Variants in MAPK14 observed in about 807,000 individuals in gnomAD.
The protein encoded by MAPK14 is mitogen-activated protein kinase 14, also known as CSAID-binding protein.
Under a neutral mutation model 49.6 loss-of-function variants are expected in MAPK14, and 16 were observed. The ratio of observed to expected loss-of-function variants is 0.32; its 90% CI spans 0.22 to 0.49. The LOEUF (loss-of-function observed/expected upper bound fraction) is 0.49, where lower values mean the gene tolerates loss of function less well. MAPK14 is among the 20% of genes least tolerant of loss of function. The pLI is 0.99. For synonymous variants in MAPK14, 142 were observed against 158.0 expected (o/e 0.90, Z 0.76); for missense variants, 200 against 441.2 (o/e 0.45, Z 4.90).
intron 1 of MAPK14, among the ~76,000 whole-genome samples, chr6:36,033,495 T>G (rs1391984752): frequency 3.3e-5 from 5 of 152,172 alleles, no homozygotes; most frequent in Admixed American, 1.3e-4. Flanking sequence ...TTTTGTATTT[T>G]TAGTAGAGAC....
At chr6:36,072,378 G>A (rs1237048253) in intron 3 of MAPK14, among the ~76,000 whole-genome samples, 1 of 152,022 alleles carries the variant, frequency 6.6e-6, no homozygotes, top group Non-Finnish European at 1.5e-5. Flanking sequence ...GAGGTAATGA[G>A]GTGCCCTTCC....
chr6:36,101,378 A>T (rs1188518244), intron 9 of MAPK14, among the ~76,000 whole-genome samples: 2 of 152,156 alleles, frequency 1.3e-5, no homozygotes, highest in Admixed American at 6.5e-5. Context: ...TAGAGGCCAT[A>T]GTGAGCTGTG....
At chr6:36,063,953 G>C (rs1763933872) in intron 3 of MAPK14, among the ~76,000 whole-genome samples, 1 of 152,126 alleles carries the variant, frequency 6.6e-6, no homozygotes, top group Non-Finnish European at 1.5e-5. Flanking sequence ...ATATATTCCT[G>C]TGTATTCAGC....
chr6:36,044,683 T>G (rs1438065948), intron 1 of MAPK14, among the ~76,000 whole-genome samples: 1 of 151,972 alleles, frequency 6.6e-6, no homozygotes, highest in Non-Finnish European at 1.5e-5. Flanking sequence ...GAGACCAGCC[T>G]GGGCAACAAG....
chr6:36,120,487 G>A, the MAPK14 span, among the ~76,000 whole-genome samples: 1 of 151,204 alleles, frequency 6.6e-6, no homozygotes, highest in East Asian at 1.9e-4. Context: ...ATTCATCCAA[G>A]CAGTGTGTTT....
At chr6:36,117,898 T>A in the MAPK14 span, among the ~76,000 whole-genome samples, 1 of 152,264 alleles carries the variant, frequency 6.6e-6, no homozygotes, top group East Asian at 1.9e-4. Context: ...TTTAATCCCT[T>A]GCAGATCACC....
At chr6:36,065,481 C>A (rs145001891) in intron 3 of MAPK14, among the ~76,000 whole-genome samples, 1 of 122,400 alleles carries the variant, frequency 8.2e-6, no homozygotes, top group Non-Finnish European at 1.8e-5. Context: ...ATCCAGGGGC[C>A]GAGAGAGGGA....
chr6:36,047,122 G>C (rs1763209193), intron 1 of MAPK14, among the ~76,000 whole-genome samples: 1 of 152,180 alleles, frequency 6.6e-6, no homozygotes, highest in African/African-American at 2.4e-5. Context: ...TTATGGGTTT[G>C]TAGGAGCAAT....
chr6:36,080,827 T>G (rs1200838757), intron 8 of MAPK14, among the ~76,000 whole-genome samples: 1 of 152,106 alleles, frequency 6.6e-6, no homozygotes, highest in Non-Finnish European at 1.5e-5. Flanking sequence ...GCATGAGGAT[T>G]CCTGTATCTC....
chr6:36,090,582 A>G (rs1439108821), intron 8 of MAPK14, among the ~76,000 whole-genome samples: 2 of 148,128 alleles, frequency 1.4e-5, no homozygotes, highest in African/African-American at 2.5e-5. Context: ...CTGGAGTGCA[A>G]TGGCGCAATC....
At position 36,082,157 on chromosome 6, in the gene MAPK14, G is replaced by A. The variant is rs563469922; in HGVS notation, c.682+5549G>A. Among the ~76,000 whole-genome samples, 241 of 152,290 alleles carry A rather than the reference G, an allele frequency of 1.6e-3. 1 individual carries two copies. Among genetic ancestry groups the A allele is most frequent in the African/African-American group, 5.6e-3 (233 of 41,554 alleles). The stretch of plus-strand genomic sequence containing the variant: ...TGTGATTTTCTATGTATAGGGTTAT[G>A]TCATCTGCAAACAGAGATAGTTTTA... On this transcript the variant is annotated intron_variant, in intron 8 of 11. Transcript: ENST00000229794.
At chr6:36,120,611 T>G in the MAPK14 span, among the ~76,000 whole-genome samples, 1 of 152,180 alleles carries the variant, frequency 6.6e-6, no homozygotes. Context: ...CCCGGCTGTT[T>G]TCGCGTTTTC....
intron 3 of MAPK14, among the ~76,000 whole-genome samples, chr6:36,072,582 C>T (rs1424495725): frequency 2.0e-5 from 3 of 151,730 alleles, no homozygotes; most frequent in Non-Finnish European, 2.9e-5. Flanking sequence ...TTGGCCAACA[C>T]GGTGAAACCT....
intron 5 of MAPK14, 67 bp downstream of exon 5, chr6:36,073,787 G>A: frequency 6.9e-7 from 1 of 1,455,992 alleles, no homozygotes; most frequent in South Asian, 1.2e-5. Flanking sequence ...ATGGCATTTA[G>A]CCAAGATCCT....
chr6:36,049,285 T>A (rs1763304908), intron 1 of MAPK14, among the ~76,000 whole-genome samples: 1 of 152,166 alleles, frequency 6.6e-6, no homozygotes, highest in African/African-American at 2.4e-5. Flanking sequence ...TAAATTCTAT[T>A]TTAGGGCCCA....
chr6:36,056,313 G>T (rs894365011), intron 2 of MAPK14, among the ~76,000 whole-genome samples: 4 of 152,112 alleles, frequency 2.6e-5, no homozygotes, highest in African/African-American at 9.7e-5. Context: ...CAGATACATT[G>T]TCTGCTCAGT....
intron 9 of MAPK14, 21 bp from the exon 10 acceptor site, chr6:36,102,550 T>C: frequency 6.3e-7 from 1 of 1,599,118 alleles, no homozygotes; most frequent in Admixed American, 1.7e-5. Context: ...AAAGTCATTC[T>C]GAAAACCCTT....
intron 8 of MAPK14, among the ~76,000 whole-genome samples, chr6:36,091,559 C>G (rs1022397477): frequency 3.3e-5 from 5 of 152,140 alleles, no homozygotes; most frequent in African/African-American, 9.7e-5. Flanking sequence ...ACGTGACGCT[C>G]CTTCTGGTCT....
At chr6:36,081,055 TTA>T (rs1477986351) in intron 8 of MAPK14, among the ~76,000 whole-genome samples, 2 of 152,206 alleles carry the variant, frequency 1.3e-5, no homozygotes, top group Non-Finnish European at 2.9e-5. Flanking sequence ...TGGTGGTTCT[TTA>T]TATATCTTAG....
Sources: allele counts gnomAD v4.1 joint callset (sites outside exome capture counted in the v4.1 genomes callset), GRCh38; gene constraint gnomAD v4.1.1; transcripts MANE v1.5; gene names NCBI Gene and HGNC (gene_info 2026-07-23, HGNC 2026-07-21).